L3MBTL4: variants seen among roughly 807,000 people sequenced by gnomAD.
L3MBTL4 encodes L3MBTL histone methyl-lysine binding protein 4, also known as lethal(3)malignant brain tumor-like protein 4.
In L3MBTL4, 70 loss-of-function variants were observed where a neutral mutation model predicts 84.5. That is an observed-to-expected ratio of 0.83 (90% confidence interval 0.68 to 1.01). L3MBTL4 has a LOEUF of 1.01. Ranked by LOEUF, L3MBTL4 falls within the 50% of genes least tolerant of loss-of-function variation. The pLI, the probability that L3MBTL4 is intolerant of heterozygous loss-of-function variation, is 0.00. For synonymous variants in L3MBTL4, 274 were observed against 259.8 expected, an observed-to-expected ratio of 1.05 and a Z score of -0.52; for missense variants, 715 against 754.8, an observed-to-expected ratio of 0.95 and a Z score of 0.62.
At chr18:6,330,007 T>C (rs2051942635) in intron 1 of L3MBTL4, among the ~76,000 whole-genome samples, 1 of 152,248 alleles carries the variant, frequency 6.6e-6, no homozygotes, top group African/African-American at 2.4e-5. Flanking sequence ...CAGTTCACCT[T>C]TCCTCTTGTA....
intron 6 of L3MBTL4, among the ~76,000 whole-genome samples, chr18:6,244,267 G>A (rs2047566795): frequency 1.3e-5 from 2 of 152,092 alleles, no homozygotes; most frequent in African/African-American, 2.4e-5. Context: ...ATTAAGTCAA[G>A]AATAAATGCT....
chr18:6,383,047 G>A (rs1197334871), intron 1 of L3MBTL4, among the ~76,000 whole-genome samples: 2 of 152,058 alleles, frequency 1.3e-5, no homozygotes, highest in Non-Finnish European at 2.9e-5. Context: ...TGGCCACAGC[G>A]GCCTTGCTGA....
At chr18:5,965,924 T>C (rs1192575057) in intron 17 of L3MBTL4, among the ~76,000 whole-genome samples, 1 of 152,122 alleles carries the variant, frequency 6.6e-6, no homozygotes, top group Non-Finnish European at 1.5e-5. Flanking sequence ...TGCAGGAGCA[T>C]TGTATGCGAG....
chr18:6,265,519 C>T (rs1386100986), intron 4 of L3MBTL4, among the ~76,000 whole-genome samples: 1 of 152,100 alleles, frequency 6.6e-6, no homozygotes, highest in Non-Finnish European at 1.5e-5. Flanking sequence ...ATTGTATATA[C>T]ATACATATAT....
chr18:6,163,264 GGGGGGT>G (rs760507574), intron 13 of L3MBTL4, among the ~76,000 whole-genome samples: 3,567 of 109,920 alleles, frequency 0.032, 126 homozygotes, highest in Admixed American at 0.072. Flanking sequence ...GTGTGTGGGG[GGGGGGT>G]GGGTGTGTGT....
At position 6,171,958 on chromosome 18, in the gene L3MBTL4, T is replaced by A; in HGVS notation, c.982-16A>T. ...CAAAATGAACCTGTTAAAACGAGTT[T>A]TGAATGATTAGCATTTAGTAATTAG... is the stretch of plus-strand genomic sequence containing the variant. On this transcript the variant is annotated splice_polypyrimidine_tract_variant and intron_variant, in intron 12 of 18. Coordinates refer to ENST00000317931, the MANE Select transcript of L3MBTL4 (RefSeq NM_001330559.2). 1 of 1,275,318 alleles carries A rather than the reference T, an allele frequency of 7.8e-7. No individual in the cohort carries two copies. The highest frequency in any genetic ancestry group is 1.1e-6 in the Non-Finnish European group (1 of 901,720). The allele number at this position is 1,275,318 out of a possible 1,614,324, so 79.0% of individuals were successfully genotyped here.
rs76941084 is a variant in L3MBTL4, at chr18:6,263,428, T to C, written c.219+519A>G. Among the ~76,000 whole-genome samples, 1,081 of 152,092 alleles carry C rather than the reference T, an allele frequency of 7.1e-3. 15 individuals are homozygous for C. The highest frequency in any genetic ancestry group is 0.025 in the African/African-American group (1,044 of 41,484). ...ATGATCCCCTGTAAGGCCCAGATGG[T>C]CAAGGAAGTCTACACCAGCTGCTCT... On this transcript the variant is annotated intron_variant, in intron 5 of 18. Coordinates refer to ENST00000317931, the MANE Select transcript of L3MBTL4 (RefSeq NM_001330559.2).
In L3MBTL4 at chr18:6,033,582, C is replaced by T. The variant is rs56054653; in HGVS notation, c.1444+47299G>A. 7.9e-3 allele frequency among the ~76,000 whole-genome samples: 1,202 copies of T among 152,246 alleles called. 18 individuals carry two copies. Among genetic ancestry groups the T allele is most frequent in the African/African-American group, 0.027 (1,136 of 41,522 alleles). On this transcript the variant is annotated intron_variant, in intron 16 of 18. Coordinates refer to ENST00000317931, the MANE Select transcript of L3MBTL4 (RefSeq NM_001330559.2). ...ATTACGATTACATTACTTGTAATTA[C>T]GATTACATTTCTTGTAATTACAATT...
chr18:6,195,641 A>C (rs1293148853), intron 12 of L3MBTL4, among the ~76,000 whole-genome samples: 2 of 152,212 alleles, frequency 1.3e-5, no homozygotes, highest in Admixed American at 6.5e-5. Context: ...AAAAGGCAGA[A>C]ATTTGTTTTT....
intron 17 of L3MBTL4, among the ~76,000 whole-genome samples, chr18:5,968,371 TA>T (rs2052456249): frequency 1.3e-5 from 2 of 152,192 alleles, no homozygotes; most frequent in Non-Finnish European, 2.9e-5. Flanking sequence ...AGCATTATTG[TA>T]AAGCAATGGG....
At chr18:6,162,007 T>C (rs8096813) in intron 13 of L3MBTL4, among the ~76,000 whole-genome samples, 31,070 of 151,212 alleles carry the variant, frequency 0.21, 3,512 homozygotes, top group Middle Eastern at 0.27. Context: ...TTTTTCTTCC[T>C]TTGTTTCCAA....
rs117644968 is a variant in L3MBTL4, at chr18:6,226,826, A to T, written c.785-10991T>A. On this transcript the variant is annotated intron_variant, in intron 10 of 18. Transcript: ENST00000317931. ...TCTTTAAAAAGTCAGGAAAATATTTAAAAAAACCAAAACCATAATGGATAA... is the reference window on the plus strand; with the variant it reads ...TCTTTAAAAAGTCAGGAAAATATTTTAAAAAACCAAAACCATAATGGATAA... 2.4e-3 allele frequency among the ~76,000 whole-genome samples: 365 copies of T among 152,008 alleles called. 2 individuals carry two copies. Among genetic ancestry groups the T allele is most frequent in the East Asian group, 0.018 (95 of 5,194 alleles).
chr18:6,260,555 G>T (rs1010985899), intron 5 of L3MBTL4: 7 of 152,030 alleles, frequency 4.6e-5, no homozygotes, highest in Non-Finnish European at 1.0e-4. Flanking sequence ...TATTGTAATT[G>T]GGATTGTGTT....
intron 14 of L3MBTL4, among the ~76,000 whole-genome samples, chr18:6,097,312 T>C (rs1049712829): frequency 1.1e-4 from 16 of 152,356 alleles, no homozygotes; most frequent in African/African-American, 3.6e-4. Flanking sequence ...TGATTACAAT[T>C]TAAAAGAATA....
chr18:6,218,879 A>C (rs1429291718), intron 10 of L3MBTL4, among the ~76,000 whole-genome samples: 1 of 152,166 alleles, frequency 6.6e-6, no homozygotes, highest in Non-Finnish European at 1.5e-5. Flanking sequence ...GTCCATGCAC[A>C]CAGCAGTGCA....
intron 1 of L3MBTL4, among the ~76,000 whole-genome samples, chr18:6,378,907 G>A (rs1599841816): frequency 6.6e-6 from 1 of 152,188 alleles, no homozygotes; most frequent in Non-Finnish European, 1.5e-5. Context: ...AATTATTTTG[G>A]GCAGTATCAC....
intron 14 of L3MBTL4, among the ~76,000 whole-genome samples, chr18:6,136,681 G>T (rs2060037823): frequency 6.6e-6 from 1 of 152,020 alleles, no homozygotes. Context: ...CCTTTAGAGG[G>T]TATTTAACCC....
intron 4 of L3MBTL4, among the ~76,000 whole-genome samples, chr18:6,294,204 A>G (rs898925922): frequency 6.6e-6 from 1 of 152,166 alleles, no homozygotes; most frequent in Non-Finnish European, 1.5e-5. Context: ...AGCCTTTTTT[A>G]TAAGTTTGAT....
chr18:6,346,690 A>G (rs1480354515), intron 1 of L3MBTL4, among the ~76,000 whole-genome samples: 2 of 152,130 alleles, frequency 1.3e-5, no homozygotes, highest in Non-Finnish European at 2.9e-5. Flanking sequence ...TTTAGAAAAA[A>G]TAATAAATAT....
Sources: allele counts gnomAD v4.1 joint callset (sites outside exome capture counted in the v4.1 genomes callset), GRCh38; gene constraint gnomAD v4.1.1; transcripts MANE v1.5; gene names NCBI Gene and HGNC (gene_info 2026-07-23, HGNC 2026-07-21).